The following DYNC1I1 variants were observed in gnomAD, a reference collection of about 807,000 sequenced individuals.
The protein encoded by DYNC1I1 is dynein cytoplasmic 1 intermediate chain 1.
In DYNC1I1, 43 loss-of-function variants were observed where a neutral mutation model predicts 86.6. That is an observed-to-expected ratio of 0.50 (90% CI 0.39 to 0.64). The LOEUF (loss-of-function observed/expected upper bound fraction) is 0.64. Ranked by LOEUF, DYNC1I1 falls within the 30% of genes least tolerant of loss-of-function variation. The probability of loss-of-function intolerance (pLI) is 0.00; values close to 1 mark genes in which losing one functional copy is unlikely to be tolerated. For missense variants in DYNC1I1, 604 were observed against 788.8 expected (o/e 0.77, Z 2.81); for synonymous variants, 262 against 283.7 (o/e 0.92, Z 0.77).
At chr7:95,894,175 C>T (rs1234013601) in intron 6 of DYNC1I1, among the ~76,000 whole-genome samples, 1 of 151,696 alleles carries the variant, frequency 6.6e-6, no homozygotes, top group Non-Finnish European at 1.5e-5. Flanking sequence ...ATCTAGAATG[C>T]TATAATGAGA....
At position 96,097,604 on chromosome 7, in the gene DYNC1I1, C is replaced by T. The variant is rs199803417; in HGVS notation, c.*11C>T. ...GAGTTATCTGCCTAGTGGAAATGAG[C>T]CACCCCCACTGCAGCCCCCACCTTT... On this transcript the variant is annotated 3_prime_UTR_variant, in exon 17 of 17. Coordinates refer to ENST00000447467, the MANE Select transcript of DYNC1I1 (RefSeq NM_001135556.2). 6.2e-7 allele frequency: 1 copy of T among 1,613,288 alleles called. No individual in the cohort carries two copies. Among genetic ancestry groups the T allele is most frequent in the East Asian group, 2.2e-5 (1 of 44,862 alleles).
At chr7:95,832,741 G>C (rs1212576364) in intron 5 of DYNC1I1, among the ~76,000 whole-genome samples, 4 of 151,908 alleles carry the variant, frequency 2.6e-5, no homozygotes, top group Admixed American at 2.6e-4. Context: ...ATTTTTTCAT[G>C]TGTTTTTTGG....
chr7:95,861,356 G>A (rs926906534), intron 5 of DYNC1I1, among the ~76,000 whole-genome samples: 4 of 152,150 alleles, frequency 2.6e-5, no homozygotes, highest in East Asian at 1.9e-4. Context: ...CTTGGTACAC[G>A]TTCTTGCATT....
chr7:95,805,683 G>C (rs949358383), intron 2 of DYNC1I1, among the ~76,000 whole-genome samples: 55 of 152,266 alleles, frequency 3.6e-4, no homozygotes, highest in African/African-American at 1.3e-3. Context: ...TGTCGTGGCA[G>C]TGTAGGAATA....
chr7:96,007,644 A>G (rs1229906751), intron 10 of DYNC1I1, among the ~76,000 whole-genome samples: 2 of 152,172 alleles, frequency 1.3e-5, no homozygotes, highest in African/African-American at 2.4e-5. Flanking sequence ...TGTTACCTAC[A>G]TAACACAATT....
chr7:95,785,888 A>G (rs1292840045), intron 1 of DYNC1I1, among the ~76,000 whole-genome samples: 1 of 149,750 alleles, frequency 6.7e-6, no homozygotes, highest in East Asian at 2.0e-4. Context: ...CCCTGAATGC[A>G]TATCTTATGC....
intron 4 of DYNC1I1, among the ~76,000 whole-genome samples, chr7:95,822,726 T>C (rs960343432): frequency 2.0e-4 from 31 of 151,958 alleles, no homozygotes; most frequent in African/African-American, 5.3e-4. Context: ...AAGAAATCAA[T>C]TGAAACTAAT....
intron 6 of DYNC1I1, among the ~76,000 whole-genome samples, chr7:95,908,821 A>AGATGCCAGAGT (rs1791244748): frequency 6.6e-6 from 1 of 152,196 alleles, no homozygotes; most frequent in Non-Finnish European, 1.5e-5. Context: ...TGGCATCACC[A>AGATGCCAGAGT]CATTATCATA....
chr7:95,918,847 T>A (rs978140412), intron 6 of DYNC1I1, among the ~76,000 whole-genome samples: 4 of 152,174 alleles, frequency 2.6e-5, no homozygotes, highest in Non-Finnish European at 5.9e-5. Flanking sequence ...ACCATAAATA[T>A]TATCATTTGG....
intron 14 of DYNC1I1, among the ~76,000 whole-genome samples, 171 bp from the exon 15 acceptor site, chr7:96,075,886 T>C (rs1790320948): frequency 1.3e-5 from 2 of 152,048 alleles, no homozygotes; most frequent in African/African-American, 4.8e-5. Flanking sequence ...TATTTATTTA[T>C]GCCACTGGAC....
intron 6 of DYNC1I1, among the ~76,000 whole-genome samples, chr7:95,902,747 T>C (rs1791072609): frequency 6.6e-6 from 1 of 152,188 alleles, no homozygotes; most frequent in Admixed American, 6.5e-5. Context: ...CTCCTCCTCC[T>C]AATGAAATAT....
chr7:95,774,176 A>G (rs952539441), intron 1 of DYNC1I1, among the ~76,000 whole-genome samples: 4 of 152,206 alleles, frequency 2.6e-5, no homozygotes, highest in Non-Finnish European at 5.9e-5. Flanking sequence ...TAAAACCTCT[A>G]GCACCATCCT....
chr7:95,817,553 A>G (rs1349387670), intron 4 of DYNC1I1, among the ~76,000 whole-genome samples: 1 of 152,200 alleles, frequency 6.6e-6, no homozygotes, highest in Non-Finnish European at 1.5e-5. Flanking sequence ...TAATTTTTTC[A>G]TATTTTAATT....
At chr7:95,917,843 A>G (rs1427956997) in intron 6 of DYNC1I1, among the ~76,000 whole-genome samples, 1 of 152,110 alleles carries the variant, frequency 6.6e-6, no homozygotes, top group Non-Finnish European at 1.5e-5. Context: ...CTGTCCTTCC[A>G]CAGGATGAAA....
chr7:95,807,974 C>G (rs1056858346), intron 2 of DYNC1I1, among the ~76,000 whole-genome samples: 5 of 151,862 alleles, frequency 3.3e-5, no homozygotes, highest in Admixed American at 2.0e-4. Context: ...GGTAGGCATT[C>G]AAAAAGGAGT....
intron 2 of DYNC1I1, among the ~76,000 whole-genome samples, chr7:95,805,997 C>T (rs1032031252): frequency 5.9e-5 from 9 of 152,188 alleles, no homozygotes; most frequent in African/African-American, 1.4e-4. Context: ...CATACCATTA[C>T]GTGTTGATTG....
chr7:95,839,701 CTTTCA>C (rs1051293901), intron 5 of DYNC1I1, among the ~76,000 whole-genome samples: 1 of 152,060 alleles, frequency 6.6e-6, no homozygotes. Flanking sequence ...GTTTAGAATC[CTTTCA>C]TTTCAAGTTG....
chr7:95,840,127 C>T (rs537576364), intron 5 of DYNC1I1, among the ~76,000 whole-genome samples: 166 of 152,102 alleles, frequency 1.1e-3, no homozygotes, highest in African/African-American at 3.9e-3. Flanking sequence ...TATTTCCTTC[C>T]CCAGGTTTGG....
chr7:95,854,754 C>T (rs745739265), intron 5 of DYNC1I1, among the ~76,000 whole-genome samples: 1 of 152,082 alleles, frequency 6.6e-6, no homozygotes. Context: ...GGCCCCTCAA[C>T]CAGAATAGAT....
Sources: allele counts gnomAD v4.1 joint callset (sites outside exome capture counted in the v4.1 genomes callset), GRCh38; gene constraint gnomAD v4.1.1; transcripts MANE v1.5; gene names NCBI Gene and HGNC (gene_info 2026-07-23, HGNC 2026-07-21).